Variants in USP15 observed in about 807,000 individuals in gnomAD.
The protein encoded by USP15 is ubiquitin carboxyl-terminal hydrolase 15.
USP15 carries 18 observed loss-of-function variants against 127.1 expected under a neutral mutation model. That is an observed-to-expected ratio of 0.14 (90% CI 0.10 to 0.21). USP15 has a LOEUF of 0.21. Among genes scored for constraint, USP15 ranks in the 10% least tolerant of loss-of-function variants. The pLI, the probability that USP15 is intolerant of heterozygous loss-of-function variation, is 1.00. For synonymous variants in USP15, 364 were observed against 393.7 expected, an observed-to-expected ratio of 0.92 and a Z score of 0.89; for missense variants, 805 against 1,159.9, an observed-to-expected ratio of 0.69 and a Z score of 4.44.
chr12:62,322,455 A>G (rs949761418), intron 5 of USP15, among the ~76,000 whole-genome samples: 1 of 152,002 alleles, frequency 6.6e-6, no homozygotes, highest in African/African-American at 2.4e-5. Flanking sequence ...TTAATAAAGT[A>G]TTGAGAAATG....
At chr12:62,402,047 AT>A (rs1170349480) in intron 21 of USP15, among the ~76,000 whole-genome samples, 23 of 151,290 alleles carry the variant, frequency 1.5e-4, no homozygotes, top group Admixed American at 7.3e-4. Context: ...TAAACTCCTA[AT>A]TTTTTTTCTG....
rs562379107 is a variant in USP15 at position 62,369,708 on chromosome 12, G to A, written c.916-11782G>A. ...TGAATAATTTCTAGGGCTTTTCTAA[G>A]TGCAGTTTTCTATACTTTGCCAGGA... On this transcript the variant is annotated intron_variant, in intron 8 of 21. Coordinates refer to ENST00000280377, the MANE Select transcript of USP15 (RefSeq NM_001252078.2). Among the ~76,000 whole-genome samples the A allele has an allele frequency of 2.0e-5, 3 of 152,190 alleles. No homozygotes were observed. In the South Asian group the frequency reaches 6.2e-4, roughly 32 times the overall value.
intron 8 of USP15, among the ~76,000 whole-genome samples, chr12:62,371,281 C>G (rs759522857): frequency 6.6e-6 from 1 of 152,156 alleles, no homozygotes; most frequent in Non-Finnish European, 1.5e-5. Flanking sequence ...TCCCTACTTG[C>G]GTTTTTCATA....
intron 20 of USP15, 79 bp downstream of exon 20, chr12:62,396,477 C>T: frequency 1.7e-6 from 2 of 1,162,362 alleles, no homozygotes; most frequent in Non-Finnish European, 2.5e-6. Context: ...ATATTTATTA[C>T]TTCTTAAGGA....
In USP15 at chr12:62,362,280, G is replaced by A. The variant is rs535860903; in HGVS notation, c.915+6805G>A. Among the ~76,000 whole-genome samples the A allele has an allele frequency of 2.6e-5, 4 of 152,164 alleles. No homozygotes were observed. In the South Asian group the frequency reaches 6.2e-4, roughly 24 times the overall value. Reference sequence around the variant, plus strand: ...ATTTGCCAGTTTAACCATTTTAAGTGTATAGTAACATTAAGTATATTCACA... The same window carrying A: ...ATTTGCCAGTTTAACCATTTTAAGTATATAGTAACATTAAGTATATTCACA... On this transcript the variant is annotated intron_variant, in intron 8 of 21. Transcript: ENST00000280377.
rs543859362 is a variant in USP15 at position 62,270,604 on chromosome 12, A to G, written c.89+10101A>G. On this transcript the variant is annotated intron_variant, in intron 1 of 21. Coordinates refer to ENST00000280377, the MANE Select transcript of USP15 (RefSeq NM_001252078.2). ...GTGGTTATCCAGTTGTCCCAAAACT[A>G]TTTGTCAAAAAGATCATTCTTTTCC... Among the ~76,000 whole-genome samples, 434 of 152,184 alleles carry G rather than the reference A, an allele frequency of 2.9e-3. 4 individuals carry two copies. The highest frequency in any genetic ancestry group is 9.7e-3 in the African/African-American group (404 of 41,538).
rs1431950642 is a variant in USP15, at chr12:62,411,910, C to T, written c.*7535C>T. On this transcript the variant is annotated 3_prime_UTR_variant, in exon 22 of 22. Coordinates refer to ENST00000280377, the MANE Select transcript of USP15 (RefSeq NM_001252078.2). ...ACTAATCCCGTCATGAAGCCCTCAC[C>T]CTCATGACCTCATCTAAACCTAATT... is the stretch of plus-strand genomic sequence containing the variant. The T allele has an allele frequency of 6.6e-6, 1 of 152,040 alleles. No homozygotes were observed. Among genetic ancestry groups the T allele is most frequent in the Non-Finnish European group, 1.5e-5 (1 of 68,006 alleles). 9.4% of individuals were successfully genotyped at this position (152,040 alleles called of 1,614,324 possible). A position where few individuals can be genotyped will look rare whatever the true frequency, so the allele number is the denominator to read the frequency against.
chr12:62,377,633 T>C (rs964915081), intron 8 of USP15, among the ~76,000 whole-genome samples: 1 of 151,896 alleles, frequency 6.6e-6, no homozygotes, highest in Admixed American at 6.6e-5. Flanking sequence ...GGCAGGAGAA[T>C]TTCTTGAACC....
At chr12:62,289,055 T>C (rs540243147) in intron 1 of USP15, among the ~76,000 whole-genome samples, 2 of 152,334 alleles carry the variant, frequency 1.3e-5, no homozygotes, top group Admixed American at 1.3e-4. Flanking sequence ...GTTTTCTTTA[T>C]TTGATGAGTC....
chr12:62,413,578 C>G lies in USP15; in HGVS notation c.*9203C>G, dbSNP rs1403998349. 4 of 152,214 alleles carry G rather than the reference C, an allele frequency of 2.6e-5. No individual in the cohort carries two copies. Among genetic ancestry groups the G allele is most frequent in the Non-Finnish European group, 5.9e-5 (4 of 68,062 alleles). 9.4% of individuals were successfully genotyped at this position (152,214 alleles called of 1,614,324 possible). The stretch of plus-strand genomic sequence containing the variant: ...TGTGGAGACAGCTTGTTTCCTTAAA[C>G]TCCATGAATCAACCACTGCTAGCTT... On this transcript the variant is annotated 3_prime_UTR_variant, in exon 22 of 22. Coordinates refer to ENST00000280377, the MANE Select transcript of USP15 (RefSeq NM_001252078.2).
chr12:62,330,422 C>G (rs1417362513), intron 6 of USP15, among the ~76,000 whole-genome samples: 1 of 151,626 alleles, frequency 6.6e-6, no homozygotes, highest in African/African-American at 2.4e-5. Flanking sequence ...AACCCCATCT[C>G]TACTAAAAAT....
Position 62,409,290 on chromosome 12 carries a change from C to G in USP15, c.*4915C>G, listed in dbSNP as rs1015841925. On this transcript the variant is annotated 3_prime_UTR_variant, in exon 22 of 22. Coordinates refer to ENST00000280377, the MANE Select transcript of USP15 (RefSeq NM_001252078.2). ...ACTGGCTAAGCCATTCAAGGAAAAT[C>G]AGGAATTTACGTAATATATTGGACT... 1 of 152,038 alleles carries G rather than the reference C, an allele frequency of 6.6e-6. No individual in the cohort carries two copies. The highest frequency in any genetic ancestry group is 1.5e-5 in the Non-Finnish European group (1 of 67,984). 9.4% of individuals were successfully genotyped at this position (152,038 alleles called of 1,614,324 possible). A position where few individuals can be genotyped will look rare whatever the true frequency, so the allele number is the denominator to read the frequency against.
At chr12:62,272,169 AT>A (rs895426396) in intron 1 of USP15, among the ~76,000 whole-genome samples, 1 of 151,880 alleles carries the variant, frequency 6.6e-6, no homozygotes, top group African/African-American at 2.4e-5. Flanking sequence ...TAATTTAAGC[AT>A]TTTGTTAAAT....
At chr12:62,307,420 G>A (rs575015890) in intron 3 of USP15, among the ~76,000 whole-genome samples, 20 of 152,142 alleles carry the variant, frequency 1.3e-4, no homozygotes, top group Middle Eastern at 3.4e-3. Context: ...TCCTTTGTAC[G>A]TCCTATTTCC....
intron 8 of USP15, among the ~76,000 whole-genome samples, chr12:62,357,333 C>T (rs2066162172): frequency 6.6e-6 from 1 of 152,010 alleles, no homozygotes. Flanking sequence ...ATCTTTTAAC[C>T]AGCTAGGTTA....
intron 8 of USP15, among the ~76,000 whole-genome samples, chr12:62,363,765 C>G (rs1176156108): frequency 2.6e-5 from 4 of 151,962 alleles, no homozygotes; most frequent in African/African-American, 9.7e-5. Flanking sequence ...TGTTGTAGCC[C>G]CATTGCCTGG....
intron 3 of USP15, among the ~76,000 whole-genome samples, chr12:62,309,600 C>G (rs2064595908): frequency 6.6e-6 from 1 of 152,014 alleles, no homozygotes; most frequent in Admixed American, 6.6e-5. Context: ...AAGGACATTA[C>G]AAGAAAGAAA....
In USP15 at chr12:62,355,825, C is replaced by CTTTTTTTTTTT. The variant is rs201572809; in HGVS notation, c.915+356_915+366dup. ...TAGAAGTCTGTTGCACTTTTTTTTT[C>CTTTTTTTTTTT]TTTTTTTTTTTTTTTTGTCTTAATG... On this transcript the variant is annotated intron_variant, in intron 8 of 21. Coordinates refer to ENST00000280377, the MANE Select transcript of USP15 (RefSeq NM_001252078.2). 1.8e-4 allele frequency among the ~76,000 whole-genome samples: 22 copies of CTTTTTTTTTTT among 124,374 alleles called. 1 individual carries two copies. The highest frequency in any genetic ancestry group is 2.5e-4 in the Admixed American group (3 of 12,150). The allele number at this position is 124,374 out of a possible 152,430, so 81.6% of individuals were successfully genotyped here.
rs549896956 is a variant in USP15 at position 62,401,864 on chromosome 12, G to GTA, written c.2763+590_2763+591insAT. On this transcript the variant is annotated intron_variant, in intron 21 of 21. Transcript: ENST00000280377. ...GCTGACTCTCAGTATGGGTTTGTGT[G>GTA]TGTGTGTGTATATGTATATATACAC... is the stretch of plus-strand genomic sequence containing the variant. 2.0e-3 allele frequency among the ~76,000 whole-genome samples: 299 copies of GTA among 148,914 alleles called. 4 individuals carry two copies. The highest frequency in any genetic ancestry group is 6.6e-3 in the African/African-American group (266 of 40,568).
Sources: allele counts gnomAD v4.1 joint callset (sites outside exome capture counted in the v4.1 genomes callset), GRCh38; gene constraint gnomAD v4.1.1; transcripts MANE v1.5; gene names NCBI Gene and HGNC (gene_info 2026-07-23, HGNC 2026-07-21).